ME3: variants seen among roughly 807,000 people sequenced by gnomAD.
ME3 encodes the protein NADP-dependent malic enzyme, mitochondrial.
A neutral mutation model predicts 68.9 loss-of-function variants in ME3; 48 were observed. The observed-to-expected ratio is 0.70, with a 90% CI of 0.55 to 0.89. ME3 has a LOEUF of 0.89. Among genes scored for constraint, ME3 ranks in the 40% least tolerant of loss-of-function variants. The pLI, the probability that ME3 is intolerant of heterozygous loss-of-function variation, is 0.00. For missense variants in ME3, 675 were observed against 797.4 expected (o/e 0.85, Z 1.85); for synonymous variants, 320 against 318.8 (o/e 1.00, Z -0.04).
intron 2 of ME3, among the ~76,000 whole-genome samples, chr11:86,579,576 T>A (rs1456772769): frequency 6.6e-6 from 1 of 152,234 alleles, no homozygotes; most frequent in East Asian, 1.9e-4. Flanking sequence ...TACCAGATGC[T>A]GAGTACTGTG....
exon 7 of ME3, chr11:86,487,371 A>G: frequency 6.2e-7 from 1 of 1,614,190 alleles, no homozygotes; most frequent in Non-Finnish European, 8.5e-7. Context: ...TCATCCAGCA[A>G]GTCATCGTAT....
At chr11:86,577,296 A>G (rs1958170549) in intron 2 of ME3, among the ~76,000 whole-genome samples, 1 of 152,072 alleles carries the variant, frequency 6.6e-6, no homozygotes, top group African/African-American at 2.4e-5. Flanking sequence ...ACATGCACAC[A>G]CCTCCTAGGG....
At chr11:86,453,220 G>A (rs960596100) in intron 8 of ME3, among the ~76,000 whole-genome samples, 5 of 152,076 alleles carry the variant, frequency 3.3e-5, no homozygotes, top group Admixed American at 6.5e-5. Context: ...GGCTGGTCTC[G>A]AACTCCTGAC....
chr11:86,440,423 C>T (rs1418307444), downstream of ME3, among the ~76,000 whole-genome samples: 2 of 152,172 alleles, frequency 1.3e-5, no homozygotes, highest in Non-Finnish European at 2.9e-5. Context: ...TGCTCAACTA[C>T]TTCAGAGAGT....
At chr11:86,481,641 GA>G (rs1329801213) in intron 7 of ME3, among the ~76,000 whole-genome samples, 8 of 152,194 alleles carry the variant, frequency 5.3e-5, no homozygotes, top group Admixed American at 6.5e-5. Flanking sequence ...TAACTCAGAA[GA>G]AGCAGCTGCA....
intron 14 of ME3, 90 bp downstream of exon 14, chr11:86,442,731 A>C: frequency 9.3e-7 from 1 of 1,079,064 alleles, no homozygotes; most frequent in Admixed American, 2.1e-5. Flanking sequence ...GTGTCTCCAC[A>C]GTTTCCATCC....
At chr11:86,657,671 G>T (rs917386720) in intron 2 of ME3, among the ~76,000 whole-genome samples, 6 of 152,054 alleles carry the variant, frequency 3.9e-5, no homozygotes, top group African/African-American at 1.2e-4. Flanking sequence ...GCTTGCTATG[G>T]TATTAACTTG....
chr11:86,621,010 C>T (rs1943313822), intron 2 of ME3, among the ~76,000 whole-genome samples: 2 of 152,150 alleles, frequency 1.3e-5, no homozygotes, highest in Non-Finnish European at 2.9e-5. Flanking sequence ...CGGGCCTCCA[C>T]CAAAGTAAGG....
chr11:86,624,450 G>A (rs1237753399), intron 2 of ME3, among the ~76,000 whole-genome samples: 1 of 152,146 alleles, frequency 6.6e-6, no homozygotes, highest in East Asian at 1.9e-4. Context: ...TATAAATATA[G>A]GTTTGAGAAC....
chr11:86,510,663 T>C (rs576410760), intron 4 of ME3, among the ~76,000 whole-genome samples: 19 of 152,286 alleles, frequency 1.2e-4, no homozygotes, highest in Admixed American at 5.9e-4. Flanking sequence ...GCCTCTACTT[T>C]CCAGATACCA....
intron 2 of ME3, among the ~76,000 whole-genome samples, chr11:86,641,035 C>A (rs923576257): frequency 1.5e-5 from 1 of 66,722 alleles, no homozygotes; most frequent in East Asian, 2.3e-4. Context: ...CTCAATTTCA[C>A]TGGGGGGGGG....
chr11:86,597,784 G>T (rs1565190065), intron 2 of ME3, among the ~76,000 whole-genome samples: 1 of 152,086 alleles, frequency 6.6e-6, no homozygotes, highest in African/African-American at 2.4e-5. Flanking sequence ...AGTGGTTGGG[G>T]TACAGCTTGG....
intron 2 of ME3, among the ~76,000 whole-genome samples, chr11:86,562,170 G>A (rs911068981): frequency 3.9e-5 from 6 of 152,166 alleles, no homozygotes; most frequent in Non-Finnish European, 7.4e-5. Context: ...GAAGCATAAA[G>A]TATGTAGCTT....
chr11:86,612,698 A>T (rs1327302436), intron 2 of ME3, among the ~76,000 whole-genome samples: 1 of 152,050 alleles, frequency 6.6e-6, no homozygotes, highest in Non-Finnish European at 1.5e-5. Context: ...ATTGTTGGCC[A>T]TGTAAATGTC....
At chr11:86,631,249 C>T (rs2135324433) in intron 2 of ME3, among the ~76,000 whole-genome samples, 1 of 152,334 alleles carries the variant, frequency 6.6e-6, no homozygotes, top group South Asian at 2.1e-4. Context: ...CAGGGATTTC[C>T]AATTCTGAAG....
At chr11:86,526,266 C>T (rs758611208) in intron 4 of ME3, among the ~76,000 whole-genome samples, 4 of 152,174 alleles carry the variant, frequency 2.6e-5, no homozygotes, top group African/African-American at 7.2e-5. Context: ...GAGCCTTGCT[C>T]ATTGCTAGTA....
chr11:86,643,533 A>C (rs1352739100), intron 2 of ME3, among the ~76,000 whole-genome samples: 1 of 152,032 alleles, frequency 6.6e-6, no homozygotes, highest in African/African-American at 2.4e-5. Flanking sequence ...GGTTACAGCA[A>C]CCTTCCTTTT....
intron 4 of ME3, among the ~76,000 whole-genome samples, chr11:86,524,310 G>A (rs1049113595): frequency 1.4e-4 from 21 of 152,282 alleles, no homozygotes; most frequent in Admixed American, 2.6e-4. Flanking sequence ...ACTCAGAGGC[G>A]CAGCCAATGA....
intron 6 of ME3, among the ~76,000 whole-genome samples, chr11:86,494,947 A>T (rs1238372134): frequency 6.6e-6 from 1 of 152,244 alleles, no homozygotes; most frequent in Non-Finnish European, 1.5e-5. Flanking sequence ...TAGGCATAGA[A>T]AAATTTTGGA....
Sources: gnomAD v4.1 joint callset for allele counts (sites outside exome capture counted in the v4.1 genomes callset) on GRCh38, gnomAD v4.1.1 for gene constraint, MANE v1.5 for transcripts, NCBI Gene and HGNC (gene_info 2026-07-23, HGNC 2026-07-21) for gene names.